PLD1: variants seen among roughly 807,000 people sequenced by gnomAD.
PLD1 encodes phospholipase D1, also known as choline phosphatase 1.
PLD1 carries 112 observed loss-of-function variants against 137.1 expected under a neutral mutation model. The ratio of observed to expected loss-of-function variants is 0.82; its 90% CI spans 0.70 to 0.96. The LOEUF (loss-of-function observed/expected upper bound fraction) is 0.96, where lower values mean the gene tolerates loss of function less well. Among genes scored for constraint, PLD1 ranks in the 40% least tolerant of loss-of-function variants. PLD1 has a pLI of 0.00. For missense variants in PLD1, 1,321 were observed against 1,342.0 expected (o/e 0.98, Z 0.24); for synonymous variants, 431 against 454.7 (o/e 0.95, Z 0.66).
At chr3:171,659,737 A>T (rs1194587258) in intron 20 of PLD1, among the ~76,000 whole-genome samples, 1 of 152,160 alleles carries the variant, frequency 6.6e-6, no homozygotes, top group Non-Finnish European at 1.5e-5. Context: ...GTAGATGGTA[A>T]AGCCTGGTCT....
chr3:171,801,451 C>T lies in PLD1; in HGVS notation c.-32+8948G>A, dbSNP rs1269689663. Among the ~76,000 whole-genome samples the T allele has an allele frequency of 3.9e-5, 6 of 152,218 alleles. 1 individual carries two copies. Among genetic ancestry groups the T allele is most frequent in the Admixed American group, 2.6e-4 (4 of 15,288 alleles). The stretch of plus-strand genomic sequence containing the variant: ...TTTGTTTCTTGTTTTTGTTTTGAGA[C>T]GGAGTCTCGCTCTGTCACCCAGGCT... On this transcript the variant is annotated intron_variant, in intron 1 of 26. Transcript: ENST00000351298.
chr3:171,649,883 C>G (rs995441888), intron 21 of PLD1, among the ~76,000 whole-genome samples: 6 of 152,158 alleles, frequency 3.9e-5, no homozygotes, highest in Non-Finnish European at 7.3e-5. Context: ...GAATGATCAC[C>G]TTGTAGCCAC....
Position 171,635,965 on chromosome 3 carries a change from CTT to C in PLD1, c.2593+6873_2593+6874del, listed in dbSNP as rs71178231. Among the ~76,000 whole-genome samples, 24 of 49,274 alleles carry C rather than the reference CTT, an allele frequency of 4.9e-4. No individual in the cohort carries two copies. The East Asian group carries it at 5.5e-3, about 11-fold the overall frequency. 32.3% of individuals were successfully genotyped at this position (49,274 alleles called of 152,430 possible). The stretch of plus-strand genomic sequence containing the variant: ...ATGGTATGAGGTAGGGGTTCAACTT[CTT>C]TTTTTTTTTTTTTTTTTTTTTTTTT... On this transcript the variant is annotated intron_variant, in intron 23 of 26. Coordinates refer to ENST00000351298, the MANE Select transcript of PLD1 (RefSeq NM_002662.5).
chr3:171,676,576 T>G (rs1300041358), intron 18 of PLD1, 139 bp downstream of exon 18: 2 of 699,900 alleles, frequency 2.9e-6, no homozygotes, highest in Non-Finnish European at 5.0e-6. Context: ...CACCCGGACA[T>G]CAATGCAGCC....
chr3:171,676,820 C>A lies in PLD1; in HGVS notation c.2010G>T (p.Arg670Ser), dbSNP rs1713415512. ...GCCAGGGCATCCGGGGCGTGGAGTA[C>A]CTGTCAATGAAATCTGCCCGGGTGC... ...LDKPFADFID[R>S]YSTPRMPWHD... is the part of the protein sequence containing the mutation. The change falls in exon 18 of 27, where the codon AGG becomes AGT. Residue 670 changes from arginine to serine, a missense_variant. Transcript: ENST00000351298. The A allele has an allele frequency of 1.2e-6, 2 of 1,613,392 alleles. No individual in the cohort carries two copies. The highest frequency in any genetic ancestry group is 1.7e-6 in the Non-Finnish European group (2 of 1,179,352).
chr3:171,764,725 C>A (rs1046442685), intron 1 of PLD1, among the ~76,000 whole-genome samples: 1 of 151,200 alleles, frequency 6.6e-6, no homozygotes, highest in Admixed American at 6.6e-5. Context: ...TTTGTCTACA[C>A]GGTCTTTGAA....
Position 171,774,936 on chromosome 3 carries a change from CT to C in PLD1, c.-32+35462del, listed in dbSNP as rs1022841038. On this transcript the variant is annotated intron_variant, in intron 1 of 26. Transcript: ENST00000351298. ...GAGATGCAGGCCAGGTGCTACAGTC[CT>C]TTGCCTAGACAGCAGAGGTGCACAT... is the stretch of plus-strand genomic sequence containing the variant. Among the ~76,000 whole-genome samples the C allele has an allele frequency of 4.8e-4, 73 of 152,246 alleles. 1 individual carries two copies. Among genetic ancestry groups the C allele is most frequent in the African/African-American group, 1.7e-3 (69 of 41,546 alleles).
chr3:171,743,852 C>T (rs1377354256), intron 1 of PLD1, among the ~76,000 whole-genome samples: 2 of 152,168 alleles, frequency 1.3e-5, no homozygotes, highest in Non-Finnish European at 2.9e-5. Flanking sequence ...TGGGCATTCA[C>T]CACAGACACC....
chr3:171,656,482 T>A (rs1237239767), intron 21 of PLD1, among the ~76,000 whole-genome samples: 2 of 152,260 alleles, frequency 1.3e-5, no homozygotes, highest in Admixed American at 1.3e-4. Context: ...AATTTTATTA[T>A]TTTAGAAGTC....
chr3:171,784,476 A>G (rs1722914638), intron 1 of PLD1, among the ~76,000 whole-genome samples: 1 of 152,076 alleles, frequency 6.6e-6, no homozygotes, highest in Admixed American at 6.6e-5. Flanking sequence ...AGTACCCAGG[A>G]AAAAAAGTCC....
rs1029492722 is a variant in PLD1, at chr3:171,654,407, T to G, written c.2429+4806A>C. The G allele has an allele frequency of 5.0e-5, 10 of 200,356 alleles. No homozygotes were observed. The Admixed American group carries it at 5.3e-4, about 11-fold the overall frequency. 12.4% of individuals were successfully genotyped at this position (200,356 alleles called of 1,614,324 possible). A position where few individuals can be genotyped will look rare whatever the true frequency, so the allele number is the denominator to read the frequency against. On this transcript the variant is annotated intron_variant, in intron 21 of 26. Transcript: ENST00000351298. ...TTTAATGCAGTTTAATATTAAAACA[T>G]AGAAGCATTAAGTCAACTGACTATT...
intron 1 of PLD1, among the ~76,000 whole-genome samples, chr3:171,764,880 AAAGAAAG>A (rs1721757294): frequency 4.3e-5 from 1 of 23,272 alleles, no homozygotes; most frequent in African/African-American, 1.6e-4. Context: ...AGAAAGAAAG[AAAGAAAG>A]AAAGAAAGGA....
intron 19 of PLD1, among the ~76,000 whole-genome samples, chr3:171,670,602 A>ATTATAATC (rs1199617287): frequency 6.6e-6 from 1 of 152,232 alleles, no homozygotes; most frequent in Non-Finnish European, 1.5e-5. Flanking sequence ...AATAAAATAA[A>ATTATAATC]TTATAATCTT....
intron 1 of PLD1, among the ~76,000 whole-genome samples, chr3:171,794,453 T>G (rs751204251): frequency 6.6e-6 from 1 of 152,132 alleles, no homozygotes; most frequent in Non-Finnish European, 1.5e-5. Context: ...GACTACATAA[T>G]GTTGTGTTGT....
At chr3:171,774,276 C>T (rs915118481) in intron 1 of PLD1, among the ~76,000 whole-genome samples, 1 of 152,128 alleles carries the variant, frequency 6.6e-6, no homozygotes, top group African/African-American at 2.4e-5. Flanking sequence ...TGTGAACAGT[C>T]CTCATAAAGG....
At chr3:171,777,999 T>C (rs1722648289) in intron 1 of PLD1, among the ~76,000 whole-genome samples, 1 of 152,210 alleles carries the variant, frequency 6.6e-6, no homozygotes, top group African/African-American at 2.4e-5. Context: ...ACCTCTGAAA[T>C]CAACCATTGT....
intron 6 of PLD1, among the ~76,000 whole-genome samples, chr3:171,730,346 G>A (rs564645069): frequency 2.0e-5 from 3 of 151,838 alleles, no homozygotes; most frequent in Non-Finnish European, 4.4e-5. Flanking sequence ...AATCACCAAT[G>A]GTCTCTGAGG....
At chr3:171,688,059 GC>G (rs975452465) in intron 14 of PLD1, among the ~76,000 whole-genome samples, 1 of 152,050 alleles carries the variant, frequency 6.6e-6, no homozygotes, top group Admixed American at 6.5e-5. Flanking sequence ...TATTCTGGCA[GC>G]CATTTAGTTG....
chr3:171,684,911 C>T (rs1031969199), intron 16 of PLD1, among the ~76,000 whole-genome samples: 2 of 152,114 alleles, frequency 1.3e-5, no homozygotes, highest in Non-Finnish European at 2.9e-5. Context: ...AAATATATAT[C>T]GATGCTGTTA....
Sources: allele counts gnomAD v4.1 joint callset (sites outside exome capture counted in the v4.1 genomes callset), GRCh38; gene constraint gnomAD v4.1.1; transcripts MANE v1.5; gene names NCBI Gene and HGNC (gene_info 2026-07-23, HGNC 2026-07-21).